Variants in NBAS observed in about 807,000 individuals in gnomAD.
NBAS encodes the protein NAG/BC035112 fusion.
A neutral mutation model predicts 302.5 loss-of-function variants in NBAS; 219 were observed. That is an observed-to-expected ratio of 0.72 (90% CI 0.65 to 0.81). The LOEUF (loss-of-function observed/expected upper bound fraction) is 0.81, where lower values mean the gene tolerates loss of function less well. Among genes scored for constraint, NBAS ranks in the 30% least tolerant of loss-of-function variants. NBAS has a pLI of 0.00. For missense variants in NBAS, 2,932 were observed against 2,841.6 expected, an observed-to-expected ratio of 1.03 and a Z score of -0.72; for synonymous variants, 1,118 against 1,021.6, an observed-to-expected ratio of 1.09 and a Z score of -1.80.
chr2:15,241,333 T>A (rs903230029), intron 44 of NBAS, among the ~76,000 whole-genome samples: 6 of 152,126 alleles, frequency 3.9e-5, no homozygotes, highest in African/African-American at 1.4e-4. Flanking sequence ...GGCTACAGAA[T>A]AGGGATAGGC....
chr2:15,428,692 A>G (rs1041622036), intron 21 of NBAS, among the ~76,000 whole-genome samples: 11 of 152,176 alleles, frequency 7.2e-5, no homozygotes, highest in Non-Finnish European at 1.6e-4. Flanking sequence ...GCAGTAAGCC[A>G]TGATCAAGAA....
At chr2:15,426,785 G>T (rs958207047) in intron 22 of NBAS, among the ~76,000 whole-genome samples, 1 of 152,146 alleles carries the variant, frequency 6.6e-6, no homozygotes, top group Non-Finnish European at 1.5e-5. Flanking sequence ...TCCTGCTGGA[G>T]TCTAACCTCG....
chr2:15,450,590 G>A (rs565848222), intron 21 of NBAS, among the ~76,000 whole-genome samples: 1 of 151,980 alleles, frequency 6.6e-6, no homozygotes, highest in Non-Finnish European at 1.5e-5. Flanking sequence ...TTTATCTGTG[G>A]ACAGGTACCA....
intron 26 of NBAS, among the ~76,000 whole-genome samples, chr2:15,400,950 A>G (rs2148426635): frequency 6.6e-6 from 1 of 152,292 alleles, no homozygotes. Context: ...TAGAAGTTCA[A>G]CCTAAAAGAC....
the NBAS span, among the ~76,000 whole-genome samples, chr2:15,059,347 T>C: frequency 6.6e-6 from 1 of 152,308 alleles, no homozygotes; most frequent in Non-Finnish European, 1.5e-5. Context: ...AGCTCATTAT[T>C]TGTGGATTTT....
At chr2:15,347,860 C>G (rs1357292572) in intron 35 of NBAS, among the ~76,000 whole-genome samples, 1 of 152,184 alleles carries the variant, frequency 6.6e-6, no homozygotes, top group Non-Finnish European at 1.5e-5. Flanking sequence ...TATAGACAAA[C>G]ATCCTGTTCA....
the NBAS span, among the ~76,000 whole-genome samples, chr2:14,882,984 G>T: frequency 6.6e-6 from 1 of 152,108 alleles, no homozygotes; most frequent in Non-Finnish European, 1.5e-5. Flanking sequence ...GGTGATATTT[G>T]CCCACATAAA....
At chr2:14,950,928 A>C in the NBAS span, among the ~76,000 whole-genome samples, 1 of 152,184 alleles carries the variant, frequency 6.6e-6, no homozygotes, top group Non-Finnish European at 1.5e-5. Context: ...TTGAAGAAAC[A>C]GCTCCCCCTC....
At chr2:15,203,890 T>G (rs13020377) in intron 48 of NBAS, among the ~76,000 whole-genome samples, 1 of 129,456 alleles carries the variant, frequency 7.7e-6, no homozygotes, top group Non-Finnish European at 1.7e-5. Flanking sequence ...GTGTGTGTGC[T>G]TGTGTGTGTG....
chr2:14,878,440 T>C, the NBAS span, among the ~76,000 whole-genome samples: 7 of 152,130 alleles, frequency 4.6e-5, no homozygotes, highest in Non-Finnish European at 1.0e-4. Context: ...TGTGAGCTGC[T>C]TACCAAAAGG....
the NBAS span, among the ~76,000 whole-genome samples, chr2:14,844,042 G>T: frequency 1.3e-5 from 2 of 152,166 alleles, no homozygotes; most frequent in Admixed American, 6.5e-5. Flanking sequence ...TAGGGGGCAT[G>T]TGACCTACTG....
At chr2:14,902,417 C>A in the NBAS span, among the ~76,000 whole-genome samples, 1 of 152,226 alleles carries the variant, frequency 6.6e-6, no homozygotes, top group Non-Finnish European at 1.5e-5. Flanking sequence ...CAGATTTGCA[C>A]CACTGCACCT....
At chr2:15,145,963 T>C in the NBAS span, among the ~76,000 whole-genome samples, 33 of 152,172 alleles carry the variant, frequency 2.2e-4, no homozygotes, top group Non-Finnish European at 4.3e-4. Context: ...CATTCATTCA[T>C]TTTTCCATTT....
At chr2:14,972,438 T>G in the NBAS span, among the ~76,000 whole-genome samples, 1 of 151,876 alleles carries the variant, frequency 6.6e-6, no homozygotes, top group Non-Finnish European at 1.5e-5. Context: ...ATAATAATAA[T>G]AATAATAAAG....
rs568606213 is a variant in NBAS, at chr2:15,361,462, G to C, written c.3818-5046C>G. Among the ~76,000 whole-genome samples the C allele has an allele frequency of 5.9e-5, 9 of 152,022 alleles. No homozygotes were observed. The East Asian group carries it at 1.7e-3, about 30-fold the overall frequency. On this transcript the variant is annotated intron_variant, in intron 32 of 51. Transcript: ENST00000281513. Reference sequence around the variant, plus strand: ...CGGGAGGCAGAGGTGGCAGTGAGCTGAGATCGCACCACCGCACTCCAGCCT... The same window carrying C: ...CGGGAGGCAGAGGTGGCAGTGAGCTCAGATCGCACCACCGCACTCCAGCCT...
the NBAS span, among the ~76,000 whole-genome samples, chr2:15,153,604 G>A: frequency 2.6e-5 from 4 of 152,220 alleles, no homozygotes; most frequent in Admixed American, 6.5e-5. Flanking sequence ...AGCTGGACCA[G>A]TTTCTTCCAG....
intron 12 of NBAS, among the ~76,000 whole-genome samples, chr2:15,483,933 C>T (rs953859165): frequency 6.6e-5 from 10 of 152,120 alleles, no homozygotes; most frequent in African/African-American, 2.4e-5. Context: ...TGAAACTAAT[C>T]GGTTTGTCTA....
the NBAS span, among the ~76,000 whole-genome samples, chr2:15,067,491 AAAAG>A: frequency 2.0e-5 from 3 of 148,376 alleles, no homozygotes; most frequent in African/African-American, 5.0e-5. Flanking sequence ...AGAAGAGAAG[AAAAG>A]AAAGAGAGTA....
the NBAS span, among the ~76,000 whole-genome samples, chr2:14,942,021 T>C: frequency 6.6e-6 from 1 of 152,192 alleles, no homozygotes; most frequent in Non-Finnish European, 1.5e-5. Context: ...CTGCAAACCG[T>C]TGAGTACCAA....
Sources: gnomAD v4.1 joint callset for allele counts (sites outside exome capture counted in the v4.1 genomes callset) on GRCh38, gnomAD v4.1.1 for gene constraint, MANE v1.5 for transcripts, NCBI Gene and HGNC (gene_info 2026-07-23, HGNC 2026-07-21) for gene names.